The following ERCC4 variants were observed in gnomAD, a reference collection of about 807,000 sequenced individuals.
The protein encoded by ERCC4 is ERCC excision repair 4, endonuclease catalytic subunit, also known as DNA repair endonuclease XPF.
In ERCC4, 65 loss-of-function variants were observed where a neutral mutation model predicts 76.9. That is an observed-to-expected ratio of 0.84 (90% CI 0.69 to 1.04). ERCC4 has a LOEUF of 1.04. ERCC4 is among the 50% of genes least tolerant of loss of function. The probability of loss-of-function intolerance (pLI) is 0.00; values close to 1 mark genes in which losing one functional copy is unlikely to be tolerated. For synonymous variants in ERCC4, 463 were observed against 410.1 expected (o/e 1.13, Z -1.56); for missense variants, 1,214 against 1,128.2 (o/e 1.08, Z -1.09).
intron 2 of ERCC4, chr16:13,922,559 T>G: frequency 1.4e-6 from 1 of 710,624 alleles, no homozygotes; most frequent in Non-Finnish European, 2.6e-6. Flanking sequence ...GTGTTTTGAA[T>G]GACGAATTTC....
chr16:13,922,252 C>A (rs769539825), intron 2 of ERCC4, 41 bp downstream of exon 2: 6 of 1,066,860 alleles, frequency 5.6e-6, no homozygotes, highest in Non-Finnish European at 4.0e-6. Context: ...TAAATTTGTA[C>A]TTTTTTTTTT....
chr16:13,947,542 G>A (rs565381740), intron 10 of ERCC4, 72 bp from the exon 11 acceptor site: 794 of 1,486,804 alleles, frequency 5.3e-4, no homozygotes, highest in Middle Eastern at 8.6e-4. Flanking sequence ...CAGAAACATC[G>A]ATTTTTAGAT....
chr16:13,932,168 C>A lies in ERCC4; in HGVS notation c.985C>A (p.Leu329Ile). Residue 329 changes from leucine to isoleucine, a missense_variant, in exon 6 of 11, where the codon CTT becomes ATT. Transcript: ENST00000311895. Reference sequence around the variant, plus strand: ...ACTTTTCGTATTAGGTTGGCTGTTTCTTGACTCCAGCACCTCGATGTTTAT... The same window carrying A: ...ACTTTTCGTATTAGGTTGGCTGTTTATTGACTCCAGCACCTCGATGTTTAT... ...AFGQNSGWLF[L>I]DSSTSMFINA... is the part of the protein sequence containing the mutation. 6.2e-7 allele frequency: 1 copy of A among 1,613,532 alleles called. No individual in the cohort carries two copies. The highest frequency in any genetic ancestry group is 8.5e-7 in the Non-Finnish European group (1 of 1,179,572).
chr16:13,950,369 A>G lies in ERCC4; in HGVS notation c.*2022A>G, dbSNP rs2032607948. ...GATTTTGAACTCTACACAAGGGTAT[A>G]ACCAGAATGAATTGAGGGGTATCAA... On this transcript the variant is annotated 3_prime_UTR_variant, in exon 11 of 11. Transcript: ENST00000311895. 2 of 187,024 alleles carry G rather than the reference A, an allele frequency of 1.1e-5. No individual in the cohort carries two copies. The highest frequency in any genetic ancestry group is 1.2e-4 in the Admixed American group (2 of 16,138). 11.6% of individuals were successfully genotyped at this position (187,024 alleles called of 1,614,324 possible). A position where few individuals can be genotyped will look rare whatever the true frequency, so the allele number is the denominator to read the frequency against.
chr16:13,947,249 C>T (rs370196092), intron 10 of ERCC4, among the ~76,000 whole-genome samples: 4 of 152,214 alleles, frequency 2.6e-5, no homozygotes, highest in East Asian at 1.9e-4. Flanking sequence ...CTACTGGGGC[C>T]GCTATTTTAA....
intron 7 of ERCC4, 82 bp downstream of exon 7, chr16:13,934,384 C>T: frequency 1.1e-6 from 1 of 894,008 alleles, no homozygotes; most frequent in Non-Finnish European, 1.9e-6. Flanking sequence ...AAAAGTAGTT[C>T]AAGACTAGCC....
At chr16:13,924,526 G>T (rs2032038062) in intron 2 of ERCC4, among the ~76,000 whole-genome samples, 2 of 152,116 alleles carry the variant, frequency 1.3e-5, no homozygotes, top group East Asian at 1.9e-4. Context: ...CCCTTGTTTG[G>T]CAGGAAGGGT....
intron 10 of ERCC4, 47 bp downstream of exon 10, chr16:13,944,882 C>A: frequency 8.3e-7 from 1 of 1,202,434 alleles, no homozygotes; most frequent in Non-Finnish European, 1.2e-6. Context: ...GCAAAGGGGG[C>A]TGTGAAGTTC....
intron 4 of ERCC4, 145 bp from the exon 5 acceptor site, chr16:13,930,565 T>A: frequency 3.2e-6 from 2 of 623,470 alleles, no homozygotes; most frequent in East Asian, 5.6e-5. Flanking sequence ...AGTTTTTTTA[T>A]TGTAGTAAAA....
At position 13,935,335 on chromosome 16, in the gene ERCC4, G is replaced by T. The variant is rs769985983; in HGVS notation, c.1403G>T (p.Arg468Ile). Residue 468 changes from arginine to isoleucine, a missense_variant, in exon 8 of 11, where the codon AGA becomes ATA. By Grantham distance (97) the Arg-to-Ile change is moderately conservative (BLOSUM62 -3). Coordinates refer to ENST00000311895, the MANE Select transcript of ERCC4 (RefSeq NM_005236.3). ...AAGAGAATTAGGAAATCTCACAAAA[G>T]ACCTAAAGACCCCCAAAACAAAGAA... is the stretch of plus-strand genomic sequence containing the variant. The part of the protein sequence containing the change: ...SSKRIRKSHK[R>I]PKDPQNKERA... 6.2e-7 allele frequency: 1 copy of T among 1,611,728 alleles called. No homozygotes were observed. Among genetic ancestry groups the T allele is most frequent in the African/African-American group, 1.3e-5 (1 of 74,600 alleles).
chr16:13,935,308 C>A lies in ERCC4; in HGVS notation c.1376C>A (p.Ser459Ter), dbSNP rs201179693. The change falls in exon 8 of 11, where the codon TCA becomes TAA. Residue 459 changes from serine to a stop codon, truncating the protein, a stop_gained. Transcript: ENST00000311895. LOFTEE classifies it high-confidence loss of function. ...ATGAAATTTAGGAAGGAAGACAGTT[C>A]AAAGAGAATTAGGAAATCTCACAAA... ...VWMKFRKEDS[S>*]KRIRKSHKRP... 6.2e-6 allele frequency: 10 copies of A among 1,613,600 alleles called. No homozygotes were observed. The highest frequency in any genetic ancestry group is 1.7e-6 in the Non-Finnish European group (2 of 1,179,922).
chr16:13,937,120 G>A (rs1443970957), intron 8 of ERCC4, among the ~76,000 whole-genome samples: 2 of 144,206 alleles, frequency 1.4e-5, no homozygotes, highest in African/African-American at 5.2e-5. Context: ...TGGGGTCTCA[G>A]TATATTACCC....
chr16:13,939,045 A>T (rs1016146806), intron 9 of ERCC4, among the ~76,000 whole-genome samples: 25 of 152,148 alleles, frequency 1.6e-4, no homozygotes, highest in African/African-American at 5.8e-4. Flanking sequence ...AGCCTATGAA[A>T]ATATGTTTCC....
chr16:13,944,725 A>T lies in ERCC4; in HGVS notation c.1907A>T (p.Glu636Val), dbSNP rs1416604502. The T allele has an allele frequency of 6.2e-7, 1 of 1,608,402 alleles. No homozygotes were observed. Among genetic ancestry groups the T allele is most frequent in the Admixed American group, 1.7e-5 (1 of 59,998 alleles). Residue 636 changes from glutamate to valine, a missense_variant and splice_region_variant, in exon 10 of 11, where the codon GAA (glutamate) becomes GTA (valine). Physicochemically the swap from Glu to Val is moderately radical, Grantham distance 121. Transcript: ENST00000311895. ...GTTGACAATGTTTTCTCCCACAGGG[A>T]AAAAGCAAGCATGGTTGTCCCTGAA... Reference protein sequence around the residue: ...EKEAFEKLIREKASMVVPEER... With the variant: ...EKEAFEKLIRVKASMVVPEER...
chr16:13,943,243 G>A (rs2032449523), intron 9 of ERCC4, among the ~76,000 whole-genome samples: 1 of 152,190 alleles, frequency 6.6e-6, no homozygotes, highest in Non-Finnish European at 1.5e-5. Flanking sequence ...TCTAATGGGT[G>A]TATTAGTCCA....
At chr16:13,942,201 A>G (rs1458867476) in intron 9 of ERCC4, among the ~76,000 whole-genome samples, 1 of 152,262 alleles carries the variant, frequency 6.6e-6, no homozygotes, top group Non-Finnish European at 1.5e-5. Context: ...GAACTTGGAT[A>G]ATTATGCCAC....
chr16:13,926,437 G>A (rs923584709), intron 2 of ERCC4, 124 bp from the exon 3 acceptor site: 36 of 804,296 alleles, frequency 4.5e-5, no homozygotes, highest in Admixed American at 2.6e-4. Flanking sequence ...TGTTCTGTGC[G>A]TGGCTATATG....
At chr16:13,929,990 A>G (rs3136110) in intron 4 of ERCC4, among the ~76,000 whole-genome samples, 122 of 152,318 alleles carry the variant, frequency 8.0e-4, no homozygotes, top group African/African-American at 2.7e-3. Flanking sequence ...AATCAAACTT[A>G]GTCCATTGTT....
Position 13,920,376 on chromosome 16 carries a change from C to A in ERCC4, c.207+4C>A. 1 of 1,565,052 alleles carries A rather than the reference C, an allele frequency of 6.4e-7. No homozygotes were observed. The highest frequency in any genetic ancestry group is 8.6e-7 in the Non-Finnish European group (1 of 1,162,470). ...CAACACGCAGCCGGCCGAGGAGGTG[C>A]GGCCGCGCTGGCGCGGGAGTGAGGG... On this transcript the variant is annotated splice_donor_region_variant and intron_variant, in intron 1 of 10. Coordinates refer to ENST00000311895, the MANE Select transcript of ERCC4 (RefSeq NM_005236.3).
Sources: gnomAD v4.1 joint callset for allele counts (sites outside exome capture counted in the v4.1 genomes callset) on GRCh38, gnomAD v4.1.1 for gene constraint, MANE v1.5 for transcripts, NCBI Gene and HGNC (gene_info 2026-07-23, HGNC 2026-07-21) for gene names.